Variants in NAALADL2 observed in about 807,000 individuals in gnomAD.
NAALADL2 encodes inactive N-acetylated-alpha-linked acidic dipeptidase-like protein 2.
A neutral mutation model predicts 87.2 loss-of-function variants in NAALADL2; 76 were observed. That is an observed-to-expected ratio of 0.87 (90% CI 0.72 to 1.05). The LOEUF is 1.05. Ranked by LOEUF, NAALADL2 falls within the 50% of genes least tolerant of loss-of-function variation. The probability of loss-of-function intolerance (pLI) is 0.00; values close to 1 mark genes in which losing one functional copy is unlikely to be tolerated. For synonymous variants in NAALADL2, 354 were observed against 331.0 expected, an observed-to-expected ratio of 1.07 and a Z score of -0.75; for missense variants, 1,089 against 945.8, an observed-to-expected ratio of 1.15 and a Z score of -1.99.
At chr3:175,730,433 T>G (rs397832917) in intron 11 of NAALADL2, among the ~76,000 whole-genome samples, 8 of 84,010 alleles carry the variant, frequency 9.5e-5, no homozygotes, top group African/African-American at 2.6e-4. Context: ...TATATATATA[T>G]ATATATATAT....
chr3:175,040,274 T>C (rs957909485), intron 1 of NAALADL2, among the ~76,000 whole-genome samples: 6 of 152,180 alleles, frequency 3.9e-5, no homozygotes, highest in Non-Finnish European at 7.3e-5. Flanking sequence ...AAATGAATAA[T>C]TTCATTACTG....
chr3:174,909,682 T>C (rs568229836), intron 1 of NAALADL2, among the ~76,000 whole-genome samples: 11 of 152,268 alleles, frequency 7.2e-5, no homozygotes, highest in African/African-American at 2.6e-4. Flanking sequence ...TATGGCACTT[T>C]AGATAATTTG....
At chr3:174,804,342 C>T (rs1719206439) in intron 3 of NAALADL2, among the ~76,000 whole-genome samples, 1 of 152,158 alleles carries the variant, frequency 6.6e-6, no homozygotes, top group Non-Finnish European at 1.5e-5. Flanking sequence ...GCTGAAGTTG[C>T]TTATCAGCTT....
At chr3:175,616,723 C>T (rs144839172) in intron 10 of NAALADL2, among the ~76,000 whole-genome samples, 17 of 152,192 alleles carry the variant, frequency 1.1e-4, no homozygotes, top group East Asian at 9.7e-4. Context: ...AGACCCTCTG[C>T]GATTCCATGT....
intron 1 of NAALADL2, among the ~76,000 whole-genome samples, chr3:174,930,684 C>G (rs190138163): frequency 6.7e-5 from 9 of 135,330 alleles, no homozygotes; most frequent in Admixed American, 2.5e-4. Context: ...TCCAGTGGCG[C>G]GATCTCGGCT....
At chr3:175,046,901 A>G (rs1190790447) in intron 1 of NAALADL2, among the ~76,000 whole-genome samples, 2 of 152,194 alleles carry the variant, frequency 1.3e-5, no homozygotes. Context: ...AGTGAGTATC[A>G]CATAAACAAT....
intron 1 of NAALADL2, among the ~76,000 whole-genome samples, chr3:174,487,980 A>G (rs55654619): frequency 0.029 from 4,395 of 152,084 alleles, 202 homozygotes; most frequent in African/African-American, 0.098. Flanking sequence ...AAAATTGTCA[A>G]GTTTATGAGT....
At chr3:175,616,770 A>T (rs1014557665) in intron 10 of NAALADL2, among the ~76,000 whole-genome samples, 1 of 152,128 alleles carries the variant, frequency 6.6e-6, no homozygotes, top group African/African-American at 2.4e-5. Context: ...ATATTGGGGT[A>T]ATACAAGGGC....
chr3:175,723,848 T>C (rs1742564474), intron 11 of NAALADL2, among the ~76,000 whole-genome samples: 1 of 152,120 alleles, frequency 6.6e-6, no homozygotes, highest in South Asian at 2.1e-4. Context: ...CTAAGAGAGC[T>C]GCCCTTAATT....
chr3:175,271,669 G>A (rs1313387091), intron 4 of NAALADL2, among the ~76,000 whole-genome samples: 4 of 152,150 alleles, frequency 2.6e-5, no homozygotes, highest in African/African-American at 9.7e-5. Context: ...GCGCACGCCT[G>A]TAATCCCAGC....
intron 4 of NAALADL2, among the ~76,000 whole-genome samples, chr3:175,303,932 C>A (rs1242098475): frequency 6.6e-6 from 1 of 151,974 alleles, no homozygotes; most frequent in African/African-American, 2.4e-5. Context: ...TAACATGGGG[C>A]TTTTCCTTCT....
At position 175,810,415 on chromosome 3, in the gene NAALADL2, A is replaced by G. The variant is rs1384760601; in HGVS notation, c.*7212A>G. 3 of 152,056 alleles carry G rather than the reference A, an allele frequency of 2.0e-5. No homozygotes were observed. Among genetic ancestry groups the G allele is most frequent in the African/African-American group, 7.2e-5 (3 of 41,426 alleles). The allele number at this position is 152,056 out of a possible 1,614,324, so 9.4% of individuals were successfully genotyped here. A position where few individuals can be genotyped will look rare whatever the true frequency, so the allele number is the denominator to read the frequency against. ...TAAGTTGTTTAAATATTTGCACATTATTGAAAACATAGTACTAGGAAATGA... is the reference window on the plus strand; with the variant it reads ...TAAGTTGTTTAAATATTTGCACATTGTTGAAAACATAGTACTAGGAAATGA... On this transcript the variant is annotated 3_prime_UTR_variant, in exon 14 of 14. Coordinates refer to ENST00000454872, the MANE Select transcript of NAALADL2 (RefSeq NM_207015.3).
chr3:174,754,847 A>G (rs1711807003), intron 3 of NAALADL2, among the ~76,000 whole-genome samples: 1 of 152,106 alleles, frequency 6.6e-6, no homozygotes, highest in African/African-American at 2.4e-5. Context: ...GCTTTATATC[A>G]CTTAGTCCTT....
chr3:175,790,312 A>G (rs1407494905), intron 13 of NAALADL2, among the ~76,000 whole-genome samples: 1 of 152,130 alleles, frequency 6.6e-6, no homozygotes, highest in Non-Finnish European at 1.5e-5. Flanking sequence ...ACTTCAAGTC[A>G]CTACCACCAG....
chr3:174,474,619 C>G lies in NAALADL2; in HGVS notation c.-184+33587C>G, dbSNP rs1161981687. On this transcript the variant is annotated intron_variant, in intron 1 of 3. Transcript: ENST00000434257. ...TTTGTTGTGTGTTTCTTGTAAAATT[C>G]TCCTGTTACCACTTAACTTTTCTCA... 2.0e-5 allele frequency among the ~76,000 whole-genome samples: 3 copies of G among 152,058 alleles called. No individual in the cohort carries two copies. The East Asian group carries it at 5.8e-4, about 29-fold the overall frequency.
chr3:175,118,126 GGA>G (rs1725568061), intron 2 of NAALADL2, among the ~76,000 whole-genome samples: 2 of 151,764 alleles, frequency 1.3e-5, no homozygotes, highest in Non-Finnish European at 2.9e-5. Context: ...AGGGTGGGGG[GGA>G]GGCCAGTCAT....
intron 1 of NAALADL2, among the ~76,000 whole-genome samples, chr3:175,087,519 G>C (rs1158512265): frequency 1.3e-5 from 2 of 152,254 alleles, no homozygotes. Context: ...CGGTGCCTGT[G>C]TAGAAAGAAG....
intron 5 of NAALADL2, among the ~76,000 whole-genome samples, chr3:175,446,578 T>C (rs1720745274): frequency 6.6e-6 from 1 of 152,112 alleles, no homozygotes. Flanking sequence ...TTTCTCGCTG[T>C]ATTTGGTGTC....
intron 1 of NAALADL2, among the ~76,000 whole-genome samples, chr3:174,948,765 T>C (rs1326371827): frequency 6.6e-6 from 1 of 152,190 alleles, no homozygotes; most frequent in Non-Finnish European, 1.5e-5. Flanking sequence ...TCTGCACTGA[T>C]GTATTTGTCC....
Sources: gnomAD v4.1 joint callset for allele counts (sites outside exome capture counted in the v4.1 genomes callset) on GRCh38, gnomAD v4.1.1 for gene constraint, MANE v1.5 for transcripts, NCBI Gene and HGNC (gene_info 2026-07-23, HGNC 2026-07-21) for gene names.